CSGALNACT1: variants seen among roughly 807,000 people sequenced by gnomAD.
The protein encoded by CSGALNACT1 is chondroitin sulfate N-acetylgalactosaminyltransferase 1, also known as beta4GalNAcT-1.
Under a neutral mutation model 51.0 loss-of-function variants are expected in CSGALNACT1, and 52 were observed. The ratio of observed to expected loss-of-function variants is 1.02; its 90% CI spans 0.82 to 1.29. CSGALNACT1 has a LOEUF of 1.29. Among genes scored for constraint, CSGALNACT1 ranks in the 50% most tolerant of loss-of-function variants. CSGALNACT1 has a pLI of 0.00. For missense variants in CSGALNACT1, 935 were observed against 679.2 expected, an observed-to-expected ratio of 1.38 and a Z score of -4.19; for synonymous variants, 341 against 254.4, an observed-to-expected ratio of 1.34 and a Z score of -3.24.
At chr8:19,468,021 T>A (rs1373065306) in intron 4 of CSGALNACT1, among the ~76,000 whole-genome samples, 1 of 152,098 alleles carries the variant, frequency 6.6e-6, no homozygotes, top group Non-Finnish European at 1.5e-5. Context: ...CATGATAAAA[T>A]CACTGTGCTT....
chr8:19,504,457 T>A (rs1364676128), intron 4 of CSGALNACT1, among the ~76,000 whole-genome samples: 1 of 152,208 alleles, frequency 6.6e-6, no homozygotes, highest in African/African-American at 2.4e-5. Flanking sequence ...ATTAGTTGAT[T>A]TTTGAACCAG....
At chr8:19,592,710 C>T (rs930480664) in intron 2 of CSGALNACT1, among the ~76,000 whole-genome samples, 2 of 152,138 alleles carry the variant, frequency 1.3e-5, no homozygotes, top group Non-Finnish European at 2.9e-5. Context: ...GCCAAGATCG[C>T]ACCACTGTGC....
At chr8:19,713,749 C>T (rs759766794) in intron 1 of CSGALNACT1, among the ~76,000 whole-genome samples, 1 of 152,166 alleles carries the variant, frequency 6.6e-6, no homozygotes, top group Non-Finnish European at 1.5e-5. Flanking sequence ...GCCCTGAGGA[C>T]ACCTTAATTC....
chr8:19,658,884 T>C (rs1330100949), intron 1 of CSGALNACT1, among the ~76,000 whole-genome samples: 5 of 152,212 alleles, frequency 3.3e-5, no homozygotes, highest in Non-Finnish European at 1.5e-5. Flanking sequence ...CTTCCAACAC[T>C]TATCTGGTAA....
chr8:19,476,844 G>A (rs148286480), intron 4 of CSGALNACT1, among the ~76,000 whole-genome samples: 1 of 152,256 alleles, frequency 6.6e-6, no homozygotes, highest in African/African-American at 2.4e-5. Flanking sequence ...ATGTGAGTGA[G>A]CAAGCCTTCA....
At chr8:19,613,672 G>A (rs1402832018) in intron 1 of CSGALNACT1, among the ~76,000 whole-genome samples, 1 of 152,130 alleles carries the variant, frequency 6.6e-6, no homozygotes, top group Non-Finnish European at 1.5e-5. Context: ...TGAAAAGTAG[G>A]GTTAACACGT....
At chr8:19,658,757 C>G (rs983742315) in intron 1 of CSGALNACT1, among the ~76,000 whole-genome samples, 1 of 152,010 alleles carries the variant, frequency 6.6e-6, no homozygotes, top group African/African-American at 2.4e-5. Flanking sequence ...CAACAAAAAA[C>G]ACCACCACCA....
At chr8:19,617,353 G>T (rs1350591719) in intron 1 of CSGALNACT1, among the ~76,000 whole-genome samples, 1 of 152,154 alleles carries the variant, frequency 6.6e-6, no homozygotes, top group Non-Finnish European at 1.5e-5. Flanking sequence ...CTGTGGCCCA[G>T]TGGTTGAGGA....
intron 3 of CSGALNACT1, among the ~76,000 whole-genome samples, chr8:19,530,938 C>CA (rs1420300374): frequency 2.6e-5 from 4 of 152,202 alleles, no homozygotes; most frequent in Admixed American, 6.5e-5. Context: ...CTTGAACCTA[C>CA]AGGGGGTTCT....
At chr8:19,730,143 A>G (rs1228923918) in intron 1 of CSGALNACT1, among the ~76,000 whole-genome samples, 2 of 152,188 alleles carry the variant, frequency 1.3e-5, no homozygotes, top group African/African-American at 4.8e-5. Context: ...GAGTTACAGA[A>G]AAGCAGAAAG....
At chr8:19,417,299 C>G (rs1207035757) in intron 8 of CSGALNACT1, among the ~76,000 whole-genome samples, 1 of 152,110 alleles carries the variant, frequency 6.6e-6, no homozygotes, top group African/African-American at 2.4e-5. Context: ...ATTAGTAAAC[C>G]TGGTGCACCC....
intron 3 of CSGALNACT1, among the ~76,000 whole-genome samples, chr8:19,564,399 ATTTT>A (rs34403400): frequency 1.4e-5 from 2 of 143,598 alleles, no homozygotes; most frequent in Non-Finnish European, 1.5e-5. Context: ...AGGTTCAGGT[ATTTT>A]TTTTTTTTTT....
intron 6 of CSGALNACT1, among the ~76,000 whole-genome samples, chr8:19,435,528 G>T (rs146414388): frequency 6.6e-6 from 1 of 151,574 alleles, no homozygotes; most frequent in African/African-American, 2.4e-5. Flanking sequence ...ATAGCTCCAA[G>T]CGAGTATCTA....
intron 1 of CSGALNACT1, among the ~76,000 whole-genome samples, chr8:19,730,968 G>A (rs1191132958): frequency 6.6e-6 from 1 of 152,148 alleles, no homozygotes; most frequent in Non-Finnish European, 1.5e-5. Context: ...TGGGAGGAGA[G>A]GTGGGGAACT....
chr8:19,637,087 A>G (rs1589190201), intron 1 of CSGALNACT1, among the ~76,000 whole-genome samples: 3 of 152,090 alleles, frequency 2.0e-5, no homozygotes, highest in Admixed American at 2.0e-4. Context: ...GTAATCCCTC[A>G]CTTTACTACT....
At chr8:19,604,057 A>G (rs1027966647), upstream of CSGALNACT1, among the ~76,000 whole-genome samples, 2 of 152,176 alleles carry the variant, frequency 1.3e-5, no homozygotes, top group Non-Finnish European at 2.9e-5. Context: ...GTACTTATTA[A>G]AAGTCTGCTC....
At chr8:19,456,792 T>G (rs1433853396) in intron 5 of CSGALNACT1, among the ~76,000 whole-genome samples, 1 of 152,228 alleles carries the variant, frequency 6.6e-6, no homozygotes, top group Non-Finnish European at 1.5e-5. Context: ...AAGCTCCAGC[T>G]AATTAAAAGA....
chr8:19,571,056 C>G (rs911089518), intron 3 of CSGALNACT1, among the ~76,000 whole-genome samples: 3 of 152,148 alleles, frequency 2.0e-5, no homozygotes, highest in Non-Finnish European at 2.9e-5. Context: ...ACTGCAGCCT[C>G]AACCTCCCAG....
chr8:19,588,225 AAGAT>A (rs1393893885), intron 3 of CSGALNACT1, among the ~76,000 whole-genome samples: 1 of 152,162 alleles, frequency 6.6e-6, no homozygotes, highest in East Asian at 1.9e-4. Flanking sequence ...AAGAAAAAAA[AAGAT>A]ATATACATAT....
Sources: gnomAD v4.1 joint callset for allele counts (sites outside exome capture counted in the v4.1 genomes callset) on GRCh38, gnomAD v4.1.1 for gene constraint, MANE v1.5 for transcripts, NCBI Gene and HGNC (gene_info 2026-07-23, HGNC 2026-07-21) for gene names.